Variants in TNFRSF11A observed in about 807,000 individuals in gnomAD.
TNFRSF11A encodes the protein TNF receptor superfamily member 11a, also known as tumor necrosis factor receptor superfamily member 11A.
In TNFRSF11A, 32 loss-of-function variants were observed where a neutral mutation model predicts 55.7. The ratio of observed to expected loss-of-function variants is 0.57; its 90% confidence interval spans 0.43 to 0.77. The LOEUF (loss-of-function observed/expected upper bound fraction) is 0.77. TNFRSF11A is among the 30% of genes least tolerant of loss of function. The probability of loss-of-function intolerance (pLI) is 0.00; values close to 1 mark genes in which losing one functional copy is unlikely to be tolerated. For synonymous variants in TNFRSF11A, 311 were observed against 331.0 expected, an observed-to-expected ratio of 0.94 and a Z score of 0.65; for missense variants, 753 against 809.8, an observed-to-expected ratio of 0.93 and a Z score of 0.85.
intron 3 of TNFRSF11A, among the ~76,000 whole-genome samples, chr18:62,353,526 G>A (rs2145305912): frequency 6.6e-6 from 1 of 152,316 alleles, no homozygotes; most frequent in East Asian, 1.9e-4. Flanking sequence ...TGAGTGTGGA[G>A]CAACTCAAAA....
In TNFRSF11A at chr18:62,389,147, C is replaced by T. The variant is rs1482315600; in HGVS notation, c.*4113C>T. On this transcript the variant is annotated 3_prime_UTR_variant, in exon 10 of 10. Coordinates refer to ENST00000586569, the MANE Select transcript of TNFRSF11A (RefSeq NM_003839.4). ...TTGAGTGTGCTTTTAGTGGCAGGGC[C>T]CTGAGCACCTGGGAAAGGAGATGAG... 6.6e-6 allele frequency: 1 copy of T among 152,250 alleles called. No individual in the cohort carries two copies. Among genetic ancestry groups the T allele is most frequent in the Admixed American group, 6.5e-5 (1 of 15,278 alleles). 9.4% of individuals were successfully genotyped at this position (152,250 alleles called of 1,614,324 possible).
chr18:62,377,087 G>A (rs1476142724), intron 9 of TNFRSF11A, among the ~76,000 whole-genome samples: 2 of 151,998 alleles, frequency 1.3e-5, no homozygotes, highest in African/African-American at 4.8e-5. Context: ...CAAATTTTTT[G>A]TATTTTTTTA....
intron 3 of TNFRSF11A, among the ~76,000 whole-genome samples, 199 bp from the exon 4 acceptor site, chr18:62,354,192 C>T (rs550693551): frequency 6.6e-6 from 1 of 152,196 alleles, no homozygotes; most frequent in South Asian, 2.1e-4. Flanking sequence ...GAGAAGAACC[C>T]CCCCGTGACG....
At chr18:62,354,756 A>C (rs943665708) in intron 4 of TNFRSF11A, among the ~76,000 whole-genome samples, 4 of 152,122 alleles carry the variant, frequency 2.6e-5, no homozygotes, top group African/African-American at 9.7e-5. Flanking sequence ...ACTGCGGGCA[A>C]TTTGCCTACA....
In TNFRSF11A at chr18:62,358,201, T is replaced by C. The variant is rs770880146; in HGVS notation, c.428-47T>C. Reference sequence around the variant, plus strand: ...GATGATCTCTAAGTGACCTCGTTTGTTTTTTGTTTGTTCTGTCTGGGTTGT... The same window carrying C: ...GATGATCTCTAAGTGACCTCGTTTGCTTTTTGTTTGTTCTGTCTGGGTTGT... On this transcript the variant is annotated intron_variant, in intron 4 of 9. Coordinates refer to ENST00000586569, the MANE Select transcript of TNFRSF11A (RefSeq NM_003839.4). 1.9e-6 allele frequency: 3 copies of C among 1,578,868 alleles called. No individual in the cohort carries two copies. The South Asian group carries it at 3.3e-5, about 17-fold the overall frequency.
At chr18:62,353,903 C>G (rs1358908712) in intron 3 of TNFRSF11A, among the ~76,000 whole-genome samples, 1 of 152,170 alleles carries the variant, frequency 6.6e-6, no homozygotes. Flanking sequence ...TGTACCCTCT[C>G]CATGCATGTA....
In TNFRSF11A at chr18:62,325,883, C is replaced by T. The variant is rs1028029699; in HGVS notation, c.75+456C>T. Among the ~76,000 whole-genome samples, 7 of 152,230 alleles carry T rather than the reference C, an allele frequency of 4.6e-5. No homozygotes were observed. The highest frequency in any genetic ancestry group is 4.6e-4 in the Admixed American group (7 of 15,290). The stretch of plus-strand genomic sequence containing the variant: ...CACCCGGAAAGAGACATGATTCCCT[C>T]CGTCCCTGAACTGCGGGCTTGCCTT... On this transcript the variant is annotated intron_variant, in intron 1 of 9. Transcript: ENST00000586569. The surrounding 1 kb of genome is among the most constrained non-coding windows in gnomAD (Gnocchi z 4.7).
chr18:62,361,892 G>T, intron 7 of TNFRSF11A, 99 bp downstream of exon 7: 3 of 1,091,538 alleles, frequency 2.7e-6, no homozygotes, highest in Non-Finnish European at 4.2e-6. Flanking sequence ...GCTGCCTATG[G>T]TGATCTGCTT....
chr18:62,373,697 G>A (rs1450846761), intron 9 of TNFRSF11A, among the ~76,000 whole-genome samples: 1 of 152,172 alleles, frequency 6.6e-6, no homozygotes, highest in African/African-American at 2.4e-5. Context: ...GCTGCCCTGG[G>A]CTCACCTAGT....
chr18:62,333,658 C>T (rs752106830), intron 1 of TNFRSF11A, among the ~76,000 whole-genome samples: 10 of 152,112 alleles, frequency 6.6e-5, no homozygotes, highest in South Asian at 2.1e-4. Flanking sequence ...TACCAGGCAG[C>T]GCTCCAGTGA....
intron 1 of TNFRSF11A, among the ~76,000 whole-genome samples, chr18:62,329,252 A>G (rs1051798341): frequency 1.3e-5 from 2 of 152,138 alleles, no homozygotes; most frequent in Admixed American, 1.3e-4. Context: ...ATGGTACGCA[A>G]CTGTCCAGGT....
At chr18:62,349,700 C>T (rs951120856) in intron 2 of TNFRSF11A, 112 bp from the exon 3 acceptor site, 2 of 1,251,646 alleles carry the variant, frequency 1.6e-6, no homozygotes, top group Non-Finnish European at 2.3e-6. Context: ...ATCATGGGCA[C>T]CAATGATTAT....
intron 9 of TNFRSF11A, among the ~76,000 whole-genome samples, chr18:62,384,159 A>G (rs924397140): frequency 1.3e-5 from 2 of 151,988 alleles, no homozygotes; most frequent in African/African-American, 4.8e-5. Context: ...CTCTCTTGCC[A>G]GTATCCCAGA....
chr18:62,369,330 G>A lies in TNFRSF11A; in HGVS notation c.1413G>A (p.Gln471=). ...CCCCAAAACGTGGACCCTTGCCCCA[G>A]TGCGCCTATGGCATGGGCCTTCCCC... is the stretch of plus-strand genomic sequence containing the variant. The part of the protein sequence containing the change: ...VGSPKRGPLP[Q]CAYGMGLPPE... Residue 471 remains glutamine (Q), a synonymous_variant, in exon 9 of 10, where the codon CAG becomes CAA. Coordinates refer to ENST00000586569, the MANE Select transcript of TNFRSF11A (RefSeq NM_003839.4). 3 of 1,609,904 alleles carry A rather than the reference G, an allele frequency of 1.9e-6. No individual in the cohort carries two copies. Among genetic ancestry groups the A allele is most frequent in the African/African-American group, 2.7e-5 (2 of 74,954 alleles).
intron 2 of TNFRSF11A, 136 bp from the exon 3 acceptor site, chr18:62,349,676 G>A: frequency 4.1e-6 from 4 of 985,958 alleles, no homozygotes; most frequent in South Asian, 2.7e-5. Context: ...ATTGTCTTTG[G>A]GGGGTGTCCT....
chr18:62,382,852 CTTTAG>C (rs1334206922), intron 9 of TNFRSF11A, among the ~76,000 whole-genome samples: 3 of 152,162 alleles, frequency 2.0e-5, no homozygotes, highest in African/African-American at 7.2e-5. Context: ...AAAGCATTCA[CTTTAG>C]TTTTCATAGA....
At chr18:62,357,622 C>T (rs1909357578) in intron 4 of TNFRSF11A, among the ~76,000 whole-genome samples, 1 of 152,164 alleles carries the variant, frequency 6.6e-6, no homozygotes, top group Non-Finnish European at 1.5e-5. Flanking sequence ...TACTCTATGA[C>T]CCTTTATAGA....
intron 7 of TNFRSF11A, among the ~76,000 whole-genome samples, chr18:62,365,998 A>G (rs1007657514): frequency 1.7e-4 from 26 of 151,980 alleles, no homozygotes; most frequent in African/African-American, 5.6e-4. Context: ...TTGTATTTTT[A>G]GTAGAGATGT....
intron 1 of TNFRSF11A, among the ~76,000 whole-genome samples, chr18:62,341,836 C>CAT (rs35964652): frequency 1.8e-4 from 15 of 85,216 alleles, no homozygotes; most frequent in Non-Finnish European, 2.3e-4. Context: ...CTGAGAATGG[C>CAT]TTTTTTTTTT....
Sources: allele counts gnomAD v4.1 joint callset (sites outside exome capture counted in the v4.1 genomes callset), GRCh38; gene constraint gnomAD v4.1.1; non-coding constraint Gnocchi (gnomAD v3.1); transcripts MANE v1.5; gene names NCBI Gene and HGNC (gene_info 2026-07-23, HGNC 2026-07-21).